The following NDUFS7 variants were observed in gnomAD, a reference collection of about 807,000 sequenced individuals.
NDUFS7 encodes NADH:ubiquinone oxidoreductase core subunit S7.
NDUFS7 carries 11 observed loss-of-function variants against 31.1 expected under a neutral mutation model. That is an observed-to-expected ratio of 0.35 (90% CI 0.22 to 0.59). The LOEUF (loss-of-function observed/expected upper bound fraction) is 0.59. Among genes scored for constraint, NDUFS7 ranks in the 20% least tolerant of loss-of-function variants. The pLI is 0.79. For missense variants in NDUFS7, 263 were observed against 324.2 expected (o/e 0.81, Z 1.45); for synonymous variants, 136 against 127.9 (o/e 1.06, Z -0.43).
intron 6 of NDUFS7, chr19:1,392,333 G>C (rs1239701421): frequency 6.6e-6 from 1 of 152,162 alleles, no homozygotes; most frequent in East Asian, 1.9e-4. Flanking sequence ...AATTTCTGTA[G>C]AGATCAGGTC....
intron 4 of NDUFS7, 167 bp from the exon 5 acceptor site, chr19:1,390,704 C>G (rs1025287646): frequency 1.0e-5 from 7 of 676,958 alleles, no homozygotes; most frequent in Non-Finnish European, 1.8e-5. Context: ...GCGCGCTTTA[C>G]AACTCTTGGG....
chr19:1,389,211 A>G (rs923290716), intron 4 of NDUFS7: 3 of 681,430 alleles, frequency 4.4e-6, no homozygotes, highest in African/African-American at 3.5e-5. Context: ...ACACGCTTGC[A>G]CACATACACA....
chr19:1,388,026 C>T, intron 2 of NDUFS7, 179 bp downstream of exon 2: 2 of 685,848 alleles, frequency 2.9e-6, no homozygotes, highest in Non-Finnish European at 5.2e-6. Context: ...CTCCCTGGGA[C>T]AGTCCACGCA....
In NDUFS7 at chr19:1,387,831, C is replaced by T. The variant is rs140143043; in HGVS notation, c.37C>T (p.Arg13Trp). 5.2e-5 allele frequency: 84 copies of T among 1,605,726 alleles called. No individual in the cohort carries two copies. Among genetic ancestry groups the T allele is most frequent in the African/African-American group, 9.5e-5 (7 of 73,744 alleles). The stretch of plus-strand genomic sequence containing the variant: ...TGCAGCTCCTGGCCTGCGCGGCTTC[C>T]GGATCCTTGGTCTGCGGTGAGTGCC... ...VLSAPGLRGF[R>W]ILGLRSSVGP... The change falls in exon 2 of 8, where the codon CGG becomes TGG. Residue 13 changes from arginine to tryptophan, a missense_variant. Arg to Trp is a moderately radical substitution (Grantham distance 101). Coordinates refer to ENST00000233627, the MANE Select transcript of NDUFS7 (RefSeq NM_024407.5).
rs1365000780 is a variant in NDUFS7, at chr19:1,395,458, G to A, written c.612G>A (p.Glu204=). 7 of 1,597,208 alleles carry A rather than the reference G, an allele frequency of 4.4e-6. No individual in the cohort carries two copies. Among genetic ancestry groups the A allele is most frequent in the Admixed American group, 1.8e-5 (1 of 56,898 alleles). Residue 204 remains glutamate, a synonymous_variant, in exon 8 of 8, where the codon GAG becomes GAA. Coordinates refer to ENST00000233627, the MANE Select transcript of NDUFS7 (RefSeq NM_024407.5). ...ILQLQRKIKR[E]RRLQIWYRR ...AGCTGCAGAGGAAGATCAAGCGGGA[G>A]CGGAGGCTGCAGATCTGGTACCGCA...
chr19:1,389,627 C>A, intron 4 of NDUFS7: 1 of 410,888 alleles, frequency 2.4e-6, no homozygotes, highest in Non-Finnish European at 5.0e-6. Flanking sequence ...GGCAGTAGAT[C>A]CTTCTCGGTA....
chr19:1,390,122 G>C (rs923764981), intron 4 of NDUFS7: 2 of 154,896 alleles, frequency 1.3e-5, no homozygotes, highest in Admixed American at 6.4e-5. Context: ...GGATGGTCTC[G>C]ATCTCCTGAC....
intron 7 of NDUFS7, chr19:1,394,125 C>A: frequency 1.2e-5 from 4 of 341,072 alleles, no homozygotes; most frequent in South Asian, 9.1e-5. Flanking sequence ...AGTCCCGAGT[C>A]TGGGGGTTTG....
At position 1,393,506 on chromosome 19, in the gene NDUFS7, T is replaced by C; in HGVS notation, c.544+176T>C. Reference sequence around the variant, plus strand: ...AGTGGAGCCTGTCCCCTGTGAGAAGTCGGCGATGTATTCAGGCATCAGAGG... The same window carrying C: ...AGTGGAGCCTGTCCCCTGTGAGAAGCCGGCGATGTATTCAGGCATCAGAGG... On this transcript the variant is annotated intron_variant, in intron 7 of 7. Coordinates refer to ENST00000233627, the MANE Select transcript of NDUFS7 (RefSeq NM_024407.5). The surrounding 1 kb of genome is among the most constrained non-coding windows in gnomAD (Gnocchi z 7.3). The C allele has an allele frequency of 1.4e-6, 1 of 693,900 alleles. No homozygotes were observed. Among genetic ancestry groups the C allele is most frequent in the South Asian group, 1.5e-5 (1 of 67,176 alleles). 43.0% of individuals were successfully genotyped at this position (693,900 alleles called of 1,614,324 possible).
In NDUFS7 at chr19:1,393,890, G is replaced by A. The variant is rs908580719; in HGVS notation, c.544+560G>A. Reference sequence around the variant, plus strand: ...TAAAAAGAGCATTGGCTGCATACCTGAAATTCACATCGCACCGGGAACATT... The same window carrying A: ...TAAAAAGAGCATTGGCTGCATACCTAAAATTCACATCGCACCGGGAACATT... On this transcript the variant is annotated intron_variant, in intron 7 of 7. Coordinates refer to ENST00000233627, the MANE Select transcript of NDUFS7 (RefSeq NM_024407.5). The surrounding 1 kb of genome is among the most constrained non-coding windows in gnomAD (Gnocchi z 7.3). 1 of 236,994 alleles carries A rather than the reference G, an allele frequency of 4.2e-6. No individual in the cohort carries two copies. Among genetic ancestry groups the A allele is most frequent in the African/African-American group, 2.2e-5 (1 of 44,590 alleles). 14.7% of individuals were successfully genotyped at this position (236,994 alleles called of 1,614,324 possible).
chr19:1,394,586 C>A (rs1404807771), intron 7 of NDUFS7: 1 of 1,220,256 alleles, frequency 8.2e-7, no homozygotes, highest in African/African-American at 1.7e-5. Context: ...GCGGACCGCG[C>A]TCGGCCCTCC....
intron 7 of NDUFS7, 174 bp from the exon 8 acceptor site, chr19:1,395,217 G>A: frequency 7.0e-7 from 1 of 1,430,290 alleles, no homozygotes; most frequent in Non-Finnish European, 9.1e-7. Flanking sequence ...TCTTCCTGCA[G>A]GGACCTCCCC....
Position 1,387,915 on chromosome 19 carries a change from G to C in NDUFS7, c.53+68G>C, listed in dbSNP as rs1189909888. 11 of 405,682 alleles carry C rather than the reference G, an allele frequency of 2.7e-5. No individual in the cohort carries two copies. The East Asian group carries it at 3.1e-4, about 12-fold the overall frequency. 25.1% of individuals were successfully genotyped at this position (405,682 alleles called of 1,614,324 possible). A position where few individuals can be genotyped will look rare whatever the true frequency, so the allele number is the denominator to read the frequency against. ...AGCAGCGACAGACGAACGGGGCGGG[G>C]GGGGTGGGGGGTGGGGGGAGCGCCT... is the stretch of plus-strand genomic sequence containing the variant. On this transcript the variant is annotated intron_variant, in intron 2 of 7. Coordinates refer to ENST00000233627, the MANE Select transcript of NDUFS7 (RefSeq NM_024407.5).
chr19:1,395,115 G>A (rs892381367), intron 7 of NDUFS7: 55 of 1,343,016 alleles, frequency 4.1e-5, no homozygotes, highest in Non-Finnish European at 4.6e-5. Context: ...CCGGGTTAGT[G>A]AGGTCAGCGT....
intron 7 of NDUFS7, chr19:1,394,323 G>C: frequency 7.8e-7 from 1 of 1,278,258 alleles, no homozygotes; most frequent in East Asian, 5.6e-5. Context: ...CCATCCTGGG[G>C]TCAGGAGCTC....
At chr19:1,389,091 A>G in intron 4 of NDUFS7, 153 bp downstream of exon 4, 1 of 742,776 alleles carries the variant, frequency 1.3e-6, no homozygotes, top group Non-Finnish European at 2.4e-6. Context: ...GCTCACATGT[A>G]TGGACAGATG....
At chr19:1,395,099 C>CA in intron 7 of NDUFS7, 3 of 1,318,228 alleles carry the variant, frequency 2.3e-6, no homozygotes, top group South Asian at 3.3e-5. Flanking sequence ...GGGCTGGGGC[C>CA]GGGGGCCGGG....
intron 4 of NDUFS7, chr19:1,389,609 C>CGT: frequency 2.3e-6 from 1 of 431,454 alleles, no homozygotes; most frequent in Middle Eastern, 3.4e-4. Flanking sequence ...AAAAGGAGCG[C>CGT]GTGTGAAGGC....
At position 1,393,163 on chromosome 19, in the gene NDUFS7, G is replaced by T; in HGVS notation, c.456-79G>T. The T allele has an allele frequency of 8.4e-7, 1 of 1,193,898 alleles. No homozygotes were observed. Among genetic ancestry groups the T allele is most frequent in the Non-Finnish European group, 1.2e-6 (1 of 833,218 alleles). The allele number at this position is 1,193,898 out of a possible 1,614,324, so 74.0% of individuals were successfully genotyped here. On this transcript the variant is annotated intron_variant, in intron 6 of 7. Coordinates refer to ENST00000233627, the MANE Select transcript of NDUFS7 (RefSeq NM_024407.5). The surrounding 1 kb of genome is among the most constrained non-coding windows in gnomAD (Gnocchi z 7.3). ...CCTGGCCTGCAGTTGAAGGCGGGTG[G>T]GGATGGGGCGAGGCCTCGTGGAGGG... is the stretch of plus-strand genomic sequence containing the variant.
Sources: allele counts gnomAD v4.1 joint callset, GRCh38; gene constraint gnomAD v4.1.1; non-coding constraint Gnocchi (gnomAD v3.1); transcripts MANE v1.5; gene names NCBI Gene and HGNC (gene_info 2026-07-23, HGNC 2026-07-21).